ZNF804B: variants seen among roughly 807,000 people sequenced by gnomAD.
ZNF804B encodes the protein zinc finger protein 804B.
A neutral mutation model predicts 101.4 loss-of-function variants in ZNF804B; 80 were observed. That is an observed-to-expected ratio of 0.79 (90% CI 0.66 to 0.95). The LOEUF is 0.95. ZNF804B is among the 40% of genes least tolerant of loss of function. The probability of loss-of-function intolerance (pLI) is 0.00; values close to 1 mark genes in which losing one functional copy is unlikely to be tolerated. For missense variants in ZNF804B, 1,673 were observed against 1,561.9 expected, an observed-to-expected ratio of 1.07 and a Z score of -1.20; for synonymous variants, 622 against 558.8, an observed-to-expected ratio of 1.11 and a Z score of -1.59.
intron 1 of ZNF804B, among the ~76,000 whole-genome samples, chr7:88,985,363 T>G (rs1793744740): frequency 1.3e-5 from 2 of 151,920 alleles, no homozygotes; most frequent in African/African-American, 4.8e-5. Context: ...AAAACATAAA[T>G]TTATTTTTAT....
chr7:89,062,169 A>G (rs1207825640), intron 1 of ZNF804B, among the ~76,000 whole-genome samples: 1 of 152,156 alleles, frequency 6.6e-6, no homozygotes, highest in Non-Finnish European at 1.5e-5. Context: ...TTAAATAGTA[A>G]ACAGAAATAT....
intron 1 of ZNF804B, among the ~76,000 whole-genome samples, chr7:89,190,078 T>C (rs1788430718): frequency 6.6e-6 from 1 of 152,026 alleles, no homozygotes; most frequent in Non-Finnish European, 1.5e-5. Context: ...TAAACGACTT[T>C]GAGGGGTTCA....
At chr7:89,273,404 A>T (rs1789928694) in intron 2 of ZNF804B, among the ~76,000 whole-genome samples, 1 of 152,158 alleles carries the variant, frequency 6.6e-6, no homozygotes, top group Non-Finnish European at 1.5e-5. Context: ...CCAAATAGCT[A>T]GGTGGAGTTG....
intron 1 of ZNF804B, among the ~76,000 whole-genome samples, chr7:88,799,563 G>T (rs2888645): frequency 2.6e-5 from 4 of 151,994 alleles, no homozygotes; most frequent in Non-Finnish European, 5.9e-5. Flanking sequence ...TAAATTTAAA[G>T]AAAAACTTCT....
chr7:89,169,671 G>A (rs35525522), intron 1 of ZNF804B, among the ~76,000 whole-genome samples: 31,216 of 152,052 alleles, frequency 0.21, 3,415 homozygotes, highest in Middle Eastern at 0.39. Context: ...TGAGCCTTTC[G>A]AAAGCACTGA....
intron 1 of ZNF804B, among the ~76,000 whole-genome samples, chr7:88,878,062 T>C (rs1297293164): frequency 6.6e-6 from 1 of 152,214 alleles, no homozygotes; most frequent in Non-Finnish European, 1.5e-5. Flanking sequence ...GGATTAAGTA[T>C]ACTGTTAAAT....
At chr7:89,241,946 C>G (rs1306591872) in intron 2 of ZNF804B, among the ~76,000 whole-genome samples, 1 of 150,034 alleles carries the variant, frequency 6.7e-6, no homozygotes, top group East Asian at 2.0e-4. Context: ...TTCACACTTT[C>G]CACCAACTTC....
intron 1 of ZNF804B, among the ~76,000 whole-genome samples, chr7:89,096,038 C>T (rs562602967): frequency 1.1e-3 from 162 of 151,804 alleles, no homozygotes; most frequent in African/African-American, 3.7e-3. Context: ...GCCTGTAGTC[C>T]CAGCTACTCG....
chr7:88,906,540 G>A (rs1203790769), intron 1 of ZNF804B, among the ~76,000 whole-genome samples: 1 of 152,066 alleles, frequency 6.6e-6, no homozygotes, highest in Non-Finnish European at 1.5e-5. Context: ...ATGTGTTTAT[G>A]TAGTTTTGGG....
chr7:89,283,059 TAAATA>T (rs1790124568), intron 2 of ZNF804B, among the ~76,000 whole-genome samples: 2 of 152,216 alleles, frequency 1.3e-5, no homozygotes, highest in South Asian at 4.2e-4. Flanking sequence ...AACATGAAAT[TAAATA>T]AAATTAATTG....
chr7:88,802,047 A>G (rs1011975267), intron 1 of ZNF804B, among the ~76,000 whole-genome samples: 1 of 151,954 alleles, frequency 6.6e-6, no homozygotes, highest in African/African-American at 2.4e-5. Context: ...TGCTCTGGTG[A>G]TAGCGAGGGA....
intron 1 of ZNF804B, among the ~76,000 whole-genome samples, chr7:89,004,866 T>C (rs1788349346): frequency 6.6e-6 from 1 of 152,002 alleles, no homozygotes; most frequent in Non-Finnish European, 1.5e-5. Context: ...TTTGCATTTC[T>C]GGACATTTTT....
At chr7:88,854,475 CT>C (rs376603316) in intron 1 of ZNF804B, among the ~76,000 whole-genome samples, 725 of 47,130 alleles carry the variant, frequency 0.015, 2 homozygotes, top group African/African-American at 0.024. Flanking sequence ...TTCTTTCTTT[CT>C]CTTTCCTTTC....
chr7:89,264,008 T>G (rs531156989), intron 2 of ZNF804B, among the ~76,000 whole-genome samples: 1 of 152,302 alleles, frequency 6.6e-6, no homozygotes, highest in Admixed American at 6.5e-5. Context: ...TAGCAGAAAA[T>G]ATTGTCTCTC....
At chr7:89,120,991 A>G (rs1183302861) in intron 1 of ZNF804B, among the ~76,000 whole-genome samples, 1 of 152,212 alleles carries the variant, frequency 6.6e-6, no homozygotes, top group Non-Finnish European at 1.5e-5. Context: ...GACATTTTGC[A>G]TATATTAAAC....
chr7:88,882,373 C>G (rs1792056307), intron 1 of ZNF804B, among the ~76,000 whole-genome samples: 1 of 152,022 alleles, frequency 6.6e-6, no homozygotes, highest in Admixed American at 6.6e-5. Flanking sequence ...TAAAAACTTA[C>G]AGTTATTGGT....
At position 89,004,876 on chromosome 7, in the gene ZNF804B, T is replaced by C. The variant is rs1788349399; in HGVS notation, c.109-213279T>C. Among the ~76,000 whole-genome samples, 3 of 151,956 alleles carry C rather than the reference T, an allele frequency of 2.0e-5. No homozygotes were observed. The South Asian group carries it at 6.2e-4, about 31-fold the overall frequency. On this transcript the variant is annotated intron_variant, in intron 1 of 3. Transcript: ENST00000333190. ...TAATATTTGCATTTCTGGACATTTT[T>C]TTCTAGCCTTCTTCTCTGTGTAATC...
intron 1 of ZNF804B, among the ~76,000 whole-genome samples, chr7:89,169,568 C>T: frequency 6.6e-6 from 1 of 152,102 alleles, no homozygotes. Flanking sequence ...AGTCCTGTCT[C>T]TCAATAGGAA....
intron 1 of ZNF804B, among the ~76,000 whole-genome samples, chr7:89,217,745 C>T (rs1788919266): frequency 6.6e-6 from 1 of 151,976 alleles, no homozygotes; most frequent in East Asian, 1.9e-4. Context: ...ATGGGGACAC[C>T]CATGGGAGAG....
Sources: gnomAD v4.1 joint callset for allele counts (sites outside exome capture counted in the v4.1 genomes callset) on GRCh38, gnomAD v4.1.1 for gene constraint, MANE v1.5 for transcripts, NCBI Gene and HGNC (gene_info 2026-07-23, HGNC 2026-07-21) for gene names.